PLCB4: variants seen among roughly 807,000 people sequenced by gnomAD.
PLCB4 encodes phospholipase C beta 4.
In PLCB4, 77 loss-of-function variants were observed where a neutral mutation model predicts 178.8. The ratio of observed to expected loss-of-function variants is 0.43; its 90% CI spans 0.36 to 0.52. PLCB4 has a LOEUF of 0.52. PLCB4 is among the 20% of genes least tolerant of loss of function. The pLI, the probability that PLCB4 is intolerant of heterozygous loss-of-function variation, is 0.00. For synonymous variants in PLCB4, 496 were observed against 490.8 expected (o/e 1.01, Z -0.14); for missense variants, 1,024 against 1,453.4 (o/e 0.70, Z 4.80).
At chr20:9,170,246 A>G (rs2093041603) in intron 2 of PLCB4, among the ~76,000 whole-genome samples, 1 of 152,220 alleles carries the variant, frequency 6.6e-6, no homozygotes, top group South Asian at 2.1e-4. Context: ...ATTTCATGCA[A>G]GTTACTTTCA....
intron 3 of PLCB4, among the ~76,000 whole-genome samples, chr20:9,301,331 C>A (rs1171922363): frequency 6.6e-6 from 1 of 151,844 alleles, no homozygotes; most frequent in Non-Finnish European, 1.5e-5. Context: ...TCACATACTG[C>A]CCTCTGTTCA....
At chr20:9,453,664 G>T (rs954450961) in intron 33 of PLCB4, among the ~76,000 whole-genome samples, 1 of 152,118 alleles carries the variant, frequency 6.6e-6, no homozygotes. Flanking sequence ...GTAGCTTCTG[G>T]TTTGGGGAAG....
At chr20:9,214,244 T>G (rs2093703750) in intron 2 of PLCB4, among the ~76,000 whole-genome samples, 1 of 152,224 alleles carries the variant, frequency 6.6e-6, no homozygotes, top group African/African-American at 2.4e-5. Flanking sequence ...TATTTACTTT[T>G]AAGAATTTTA....
Position 9,459,617 on chromosome 20 carries a change from C to G in PLCB4, c.3073-18C>G. ...CCTATGAGGATTACAATGGCACCGTCCCCTTTTTCCCAAACAGGTCAAAGA... is the reference window on the plus strand; with the variant it reads ...CCTATGAGGATTACAATGGCACCGTGCCCTTTTTCCCAAACAGGTCAAAGA... On this transcript the variant is annotated intron_variant, in intron 34 of 39. Transcript: ENST00000378473. The G allele has an allele frequency of 6.3e-7, 1 of 1,579,086 alleles. No homozygotes were observed. Among genetic ancestry groups the G allele is most frequent in the Non-Finnish European group, 8.7e-7 (1 of 1,151,948 alleles).
intron 13 of PLCB4, among the ~76,000 whole-genome samples, chr20:9,382,236 A>G (rs1326535592): frequency 6.6e-6 from 1 of 152,152 alleles, no homozygotes; most frequent in Non-Finnish European, 1.5e-5. Flanking sequence ...TCCTAAATAA[A>G]TCACTTCTCA....
At chr20:9,192,229 TATG>T (rs2093413809) in intron 2 of PLCB4, among the ~76,000 whole-genome samples, 1 of 152,314 alleles carries the variant, frequency 6.6e-6, no homozygotes, top group African/African-American at 2.4e-5. Flanking sequence ...TTTGAGGTGA[TATG>T]AGCCGAACTG....
At chr20:9,437,967 A>G (rs1383762747) in intron 30 of PLCB4, among the ~76,000 whole-genome samples, 1 of 152,172 alleles carries the variant, frequency 6.6e-6, no homozygotes, top group East Asian at 1.9e-4. Flanking sequence ...GTTAAAATCT[A>G]GTAGTCTATT....
chr20:9,146,743 C>G (rs999280751), intron 2 of PLCB4, among the ~76,000 whole-genome samples: 1 of 152,004 alleles, frequency 6.6e-6, no homozygotes, highest in East Asian at 1.9e-4. Context: ...CCCAAGGTGC[C>G]GGAGCCATCT....
intron 1 of PLCB4, among the ~76,000 whole-genome samples, chr20:9,081,963 C>T (rs1476413715): frequency 6.6e-6 from 1 of 151,218 alleles, no homozygotes; most frequent in Non-Finnish European, 1.5e-5. Context: ...AATCAGTATA[C>T]TAGATCCAGA....
At chr20:9,394,291 C>A (rs999448499) in intron 18 of PLCB4, among the ~76,000 whole-genome samples, 1 of 151,968 alleles carries the variant, frequency 6.6e-6, no homozygotes, top group African/African-American at 2.4e-5. Context: ...ATGTTAATGA[C>A]AGTTTATTTT....
chr20:9,275,553 C>T (rs992727622), intron 3 of PLCB4, among the ~76,000 whole-genome samples: 2 of 152,036 alleles, frequency 1.3e-5, no homozygotes, highest in African/African-American at 4.8e-5. Context: ...TGTTCTGTGC[C>T]ATTCCTAGGC....
intron 7 of PLCB4, among the ~76,000 whole-genome samples, chr20:9,347,705 T>A (rs1180419331): frequency 6.6e-6 from 1 of 152,166 alleles, no homozygotes; most frequent in Non-Finnish European, 1.5e-5. Flanking sequence ...TGGCTGGGCA[T>A]GGTGGCTCAC....
chr20:9,245,616 A>C lies in PLCB4; in HGVS notation c.-16+28164A>C, dbSNP rs530901353. 4.6e-5 allele frequency among the ~76,000 whole-genome samples: 7 copies of C among 152,236 alleles called. No individual in the cohort carries two copies. In the East Asian group the frequency reaches 1.4e-3, roughly 29 times the overall value. ...AGCCAAGGAATGCTTCCACCAGCAG[A>C]AGTTGGAAGAGGCAAGAAATGGAGT... On this transcript the variant is annotated intron_variant, in intron 3 of 39. Transcript: ENST00000378473.
chr20:9,432,913 C>T (rs1295398501), intron 28 of PLCB4, among the ~76,000 whole-genome samples: 1 of 152,172 alleles, frequency 6.6e-6, no homozygotes, highest in Non-Finnish European at 1.5e-5. Context: ...CCAGACACTA[C>T]TGACTGAAGA....
intron 3 of PLCB4, among the ~76,000 whole-genome samples, chr20:9,273,425 C>G (rs1054477963): frequency 6.6e-6 from 1 of 151,998 alleles, no homozygotes; most frequent in Admixed American, 6.6e-5. Flanking sequence ...AAAAGGCATG[C>G]CTGCTATTTG....
chr20:9,319,887 G>T (rs1315984105), intron 4 of PLCB4, among the ~76,000 whole-genome samples: 1 of 152,152 alleles, frequency 6.6e-6, no homozygotes, highest in East Asian at 1.9e-4. Context: ...ATCATGACAG[G>T]TGTTTTTTAG....
intron 2 of PLCB4, among the ~76,000 whole-genome samples, chr20:9,163,427 C>A (rs2092920811): frequency 6.6e-6 from 1 of 152,102 alleles, no homozygotes; most frequent in African/African-American, 2.4e-5. Flanking sequence ...AAGGTCATGG[C>A]CAAAATCCCT....
chr20:9,344,176 G>T (rs1409911933), intron 7 of PLCB4, among the ~76,000 whole-genome samples: 1 of 151,852 alleles, frequency 6.6e-6, no homozygotes, highest in African/African-American at 2.4e-5. Flanking sequence ...TTCCTCCTAC[G>T]CATTTTCTTC....
chr20:9,420,926 T>G (rs992721174), intron 26 of PLCB4, among the ~76,000 whole-genome samples: 15 of 152,224 alleles, frequency 9.9e-5, no homozygotes, highest in Non-Finnish European at 2.9e-5. Flanking sequence ...TATGGCATGA[T>G]GGAATTTCAG....
Sources: allele counts gnomAD v4.1 joint callset (sites outside exome capture counted in the v4.1 genomes callset), GRCh38; gene constraint gnomAD v4.1.1; transcripts MANE v1.5; gene names NCBI Gene and HGNC (gene_info 2026-07-23, HGNC 2026-07-21).